GFM1: variants seen among roughly 807,000 people sequenced by gnomAD.
The protein encoded by GFM1 is G elongation factor mitochondrial 1.
GFM1 carries 62 observed loss-of-function variants against 96.2 expected under a neutral mutation model. The ratio of observed to expected loss-of-function variants is 0.64; its 90% CI spans 0.53 to 0.80. The LOEUF (loss-of-function observed/expected upper bound fraction) is 0.80. GFM1 is among the 30% of genes least tolerant of loss of function. The probability of loss-of-function intolerance (pLI) is 0.00; values close to 1 mark genes in which losing one functional copy is unlikely to be tolerated. For missense variants in GFM1, 852 were observed against 916.6 expected, an observed-to-expected ratio of 0.93 and a Z score of 0.91; for synonymous variants, 282 against 312.9, an observed-to-expected ratio of 0.90 and a Z score of 1.04.
chr3:158,689,151 A>G (rs1560146388), intron 15 of GFM1, among the ~76,000 whole-genome samples: 1 of 152,224 alleles, frequency 6.6e-6, no homozygotes. Flanking sequence ...GTTTTATTAT[A>G]TTCTCTCCAT....
At chr3:158,675,012 GGA>G (rs749805683) in intron 13 of GFM1, among the ~76,000 whole-genome samples, 114 of 152,284 alleles carry the variant, frequency 7.5e-4, no homozygotes, top group Non-Finnish European at 1.4e-3. Flanking sequence ...TTTACGGCCG[GGA>G]GCAGTGGCTC....
rs1012642286 is a variant in GFM1 at position 158,694,065 on chromosome 3, C to G, written c.*2598C>G. ...CTTCTAAGACAAAAACCATCTGACT[C>G]AGCAATACCATTACTATATACCCAA... On this transcript the variant is annotated 3_prime_UTR_variant, in exon 18 of 18. Coordinates refer to ENST00000486715, the MANE Select transcript of GFM1 (RefSeq NM_024996.7). Among the ~76,000 whole-genome samples the G allele has an allele frequency of 2.0e-5, 3 of 151,738 alleles. No individual in the cohort carries two copies. Among genetic ancestry groups the G allele is most frequent in the African/African-American group, 7.3e-5 (3 of 41,294 alleles).
chr3:158,648,183 C>G (rs138799409), intron 4 of GFM1, among the ~76,000 whole-genome samples: 24 of 152,040 alleles, frequency 1.6e-4, no homozygotes, highest in Non-Finnish European at 3.1e-4. Flanking sequence ...ATTTTCTTTC[C>G]TCTAGTAACT....
intron 5 of GFM1, chr3:158,650,216 C>T: frequency 2.9e-6 from 2 of 686,828 alleles, no homozygotes; most frequent in South Asian, 3.3e-5. Flanking sequence ...ACCTACCACT[C>T]CTTAGGATAT....
chr3:158,687,694 C>G lies in GFM1; in HGVS notation c.1910-2469C>G, dbSNP rs147006053. The stretch of plus-strand genomic sequence containing the variant: ...TGTTGGCCAAGCTGGTCTTGAACTC[C>G]TGACCTCTAATGATCCACCTGCCTC... On this transcript the variant is annotated intron_variant, in intron 15 of 17. Coordinates refer to ENST00000486715, the MANE Select transcript of GFM1 (RefSeq NM_024996.7). Among the ~76,000 whole-genome samples the G allele has an allele frequency of 4.9e-3, 750 of 152,240 alleles. 6 individuals are homozygous for G. The highest frequency in any genetic ancestry group is 7.2e-3 in the Non-Finnish European group (490 of 68,014).
chr3:158,690,450 C>A, intron 16 of GFM1, 127 bp downstream of exon 16: 1 of 862,874 alleles, frequency 1.2e-6, no homozygotes, highest in Non-Finnish European at 1.9e-6. Context: ...GTGGCATTTT[C>A]TGTAATTTGC....
chr3:158,661,023 C>T, intron 10 of GFM1, 48 bp downstream of exon 10: 2 of 1,494,814 alleles, frequency 1.3e-6, no homozygotes, highest in Non-Finnish European at 1.9e-6. Flanking sequence ...TTTTAAAAGT[C>T]TGTGTTTTTA....
rs757217156 is a variant in GFM1, at chr3:158,691,341, G to A, written c.2130G>A (p.Lys710=). ...TCTTTTTTTTAAATCCCTAGGGAAA[G>A]GGAGAATACACAATGGAGTATAGCA... ...STELRSCTEG[K]GEYTMEYSRY... The change falls in exon 18 of 18, where the codon AAG becomes AAA. Residue 710 remains lysine (K), a synonymous_variant. Transcript: ENST00000486715. 8 of 1,613,702 alleles carry A rather than the reference G, an allele frequency of 5.0e-6. No homozygotes were observed. The highest frequency in any genetic ancestry group is 6.8e-6 in the Non-Finnish European group (8 of 1,179,832).
chr3:158,654,399 C>G, intron 7 of GFM1, 148 bp from the exon 8 acceptor site: 2 of 589,232 alleles, frequency 3.4e-6, no homozygotes, highest in South Asian at 4.0e-5. Context: ...TTCTATTGAT[C>G]TCTTTCAGTG....
At chr3:158,651,167 T>G (rs1355886922) in intron 5 of GFM1, 1 of 152,174 alleles carries the variant, frequency 6.6e-6, no homozygotes, top group South Asian at 2.1e-4. Context: ...AGAACTGATG[T>G]CACAGATTGA....
chr3:158,667,923 G>A (rs572305713), intron 13 of GFM1, among the ~76,000 whole-genome samples: 71 of 152,302 alleles, frequency 4.7e-4, no homozygotes, highest in Non-Finnish European at 9.8e-4. Flanking sequence ...TTTCAGTATG[G>A]CATGACTATA....
chr3:158,688,270 T>C (rs1276091669), intron 15 of GFM1, among the ~76,000 whole-genome samples: 1 of 152,178 alleles, frequency 6.6e-6, no homozygotes, highest in Non-Finnish European at 1.5e-5. Context: ...AATGTGGCTA[T>C]TGAAAAATGG....
Position 158,665,414 on chromosome 3 carries a change from T to C in GFM1, c.1458T>C (p.Thr486=). ...CCACATTTAAAGTATACTTTGACAC[T>C]GAGAACAAAGAGACAGTTATATCTG... The part of the protein sequence containing the change: ...EDPTFKVYFD[T]ENKETVISGM... The change falls in exon 12 of 18, where the codon ACT becomes ACC. Residue 486 remains threonine (T), a synonymous_variant. Transcript: ENST00000486715. The C allele has an allele frequency of 6.2e-7, 1 of 1,609,854 alleles. No individual in the cohort carries two copies. Among genetic ancestry groups the C allele is most frequent in the South Asian group, 1.1e-5 (1 of 91,002 alleles).
At chr3:158,681,850 A>T in intron 13 of GFM1, 145 bp from the exon 14 acceptor site, 1 of 775,872 alleles carries the variant, frequency 1.3e-6, no homozygotes, top group Non-Finnish European at 2.1e-6. Flanking sequence ...TTTTAAAATA[A>T]ATTCTACAAT....
intron 5 of GFM1, chr3:158,649,519 G>A (rs373347758): frequency 3.7e-5 from 8 of 213,634 alleles, no homozygotes; most frequent in East Asian, 2.3e-4. Flanking sequence ...CAGCTGCCAG[G>A]TCTGGGGTAT....
At chr3:158,665,511 T>A (rs1560135509) in intron 12 of GFM1, 37 bp downstream of exon 12, 7 of 1,551,276 alleles carry the variant, frequency 4.5e-6, no homozygotes, top group Non-Finnish European at 6.2e-6. Flanking sequence ...GAAATCAATT[T>A]ATTACTGTCT....
At chr3:158,665,315 T>C in intron 11 of GFM1, 22 bp from the exon 12 acceptor site, 2 of 1,588,910 alleles carry the variant, frequency 1.3e-6, no homozygotes, top group Non-Finnish European at 1.7e-6. Flanking sequence ...AAACATATAG[T>C]GACTTTCTTC....
intron 11 of GFM1, among the ~76,000 whole-genome samples, chr3:158,663,812 T>C (rs1723388746): frequency 6.6e-6 from 1 of 152,212 alleles, no homozygotes; most frequent in South Asian, 2.1e-4. Flanking sequence ...CAGAAGGTTT[T>C]TTGTTGTTTT....
intron 13 of GFM1, among the ~76,000 whole-genome samples, chr3:158,668,325 G>T (rs1193523917): frequency 2.0e-5 from 3 of 151,748 alleles, no homozygotes; most frequent in Non-Finnish European, 4.4e-5. Context: ...TATTACTTAG[G>T]GAATCATGAC....
Sources: allele counts gnomAD v4.1 joint callset (sites outside exome capture counted in the v4.1 genomes callset), GRCh38; gene constraint gnomAD v4.1.1; transcripts MANE v1.5; gene names NCBI Gene and HGNC (gene_info 2026-07-23, HGNC 2026-07-21).